Variants in HSPA9 observed in about 807,000 individuals in gnomAD.
HSPA9 encodes stress-70 protein, mitochondrial.
Under a neutral mutation model 81.5 loss-of-function variants are expected in HSPA9, and 28 were observed. The observed-to-expected ratio is 0.34, with a 90% CI of 0.25 to 0.47. HSPA9 has a LOEUF of 0.47. Among genes scored for constraint, HSPA9 ranks in the 20% least tolerant of loss-of-function variants. HSPA9 has a pLI of 1.00. For missense variants in HSPA9, 678 were observed against 838.0 expected (o/e 0.81, Z 2.36); for synonymous variants, 293 against 290.4 (o/e 1.01, Z -0.09).
intron 5 of HSPA9, among the ~76,000 whole-genome samples, chr5:138,568,527 A>C (rs1474696380): frequency 1.3e-5 from 2 of 152,084 alleles, no homozygotes; most frequent in Admixed American, 6.5e-5. Context: ...CAACAAAAAA[A>C]CCCCAAAAAA....
At chr5:138,561,812 C>T (rs779604471) in intron 9 of HSPA9, 23 bp from the exon 10 acceptor site, 5 of 1,562,120 alleles carry the variant, frequency 3.2e-6, no homozygotes, top group African/African-American at 2.7e-5. Context: ...TGTTTAATTG[C>T]ATGTCAGCGA....
intron 9 of HSPA9, 26 bp downstream of exon 9, chr5:138,566,600 G>A: frequency 1.3e-6 from 2 of 1,485,310 alleles, no homozygotes; most frequent in Non-Finnish European, 9.4e-7. Flanking sequence ...TATCCATCAA[G>A]ACTGCTCGAA....
intron 10 of HSPA9, among the ~76,000 whole-genome samples, chr5:138,561,325 T>C (rs951116969): frequency 6.6e-6 from 1 of 152,052 alleles, no homozygotes; most frequent in African/African-American, 2.4e-5. Context: ...CATACATATA[T>C]ATATATAAAT....
chr5:138,561,319 CATATAT>C (rs914694552), intron 10 of HSPA9, among the ~76,000 whole-genome samples: 1 of 151,676 alleles, frequency 6.6e-6, no homozygotes, highest in Admixed American at 6.6e-5. Flanking sequence ...TACATACATA[CATATAT>C]ATATATAAAT....
rs537086702 is a variant in HSPA9 at position 138,555,334 on chromosome 5, A to C, written c.*703T>G. On this transcript the variant is annotated 3_prime_UTR_variant, in exon 17 of 17. Transcript: ENST00000297185. ...GGGCATCACCCCTCACAAACAAGAG[A>C]TCAAGATGCTTTCTGTATTTATTTA... 20 of 152,184 alleles carry C rather than the reference A, an allele frequency of 1.3e-4. No homozygotes were observed. The highest frequency in any genetic ancestry group is 5.2e-4 in the Admixed American group (8 of 15,264). The allele number at this position is 152,184 out of a possible 1,614,324, so 9.4% of individuals were successfully genotyped here.
chr5:138,564,556 G>A (rs1372512998), intron 9 of HSPA9, among the ~76,000 whole-genome samples: 2 of 152,168 alleles, frequency 1.3e-5, no homozygotes, highest in African/African-American at 2.4e-5. Flanking sequence ...CACCTGTGGT[G>A]TAGTGCACCA....
chr5:138,575,185 G>A (rs1580753736), intron 1 of HSPA9, 53 bp downstream of exon 1: 3 of 1,297,262 alleles, frequency 2.3e-6, no homozygotes, highest in Non-Finnish European at 3.3e-6. Context: ...AGCGAAGCCC[G>A]AGGCCCAAGG....
At chr5:138,575,109 G>A (rs1580753665) in intron 1 of HSPA9, 129 bp downstream of exon 1, 4 of 681,582 alleles carry the variant, frequency 5.9e-6, no homozygotes, top group East Asian at 2.7e-5. Context: ...TGGAAGGCCC[G>A]TTACCTTCCT....
intron 9 of HSPA9, 52 bp from the exon 10 acceptor site, chr5:138,561,841 A>G (rs771330967): frequency 7.2e-7 from 1 of 1,380,002 alleles, no homozygotes; most frequent in Non-Finnish European, 1.0e-6. Context: ...AATGACGGTT[A>G]CATTTATTAT....
Position 138,566,667 on chromosome 5 carries a change from C to T in HSPA9, c.931G>A (p.Ala311Thr). 6.2e-7 allele frequency: 1 copy of T among 1,614,092 alleles called. No individual in the cohort carries two copies. Among genetic ancestry groups the T allele is most frequent in the East Asian group, 2.2e-5 (1 of 44,880 alleles). ...AGTTCACATTTAGCCTTTTCAGCAG[C>T]TTCCCGTACCCTCTGAAGTGCCATG... is the stretch of plus-strand genomic sequence containing the variant. The part of the protein sequence containing the change: ...DNMALQRVRE[A>T]AEKAKCELSS... The change falls in exon 9 of 17, where the codon GCT (alanine) becomes ACT (threonine). Residue 311 changes from alanine (A) to threonine (T), a missense_variant. Ala to Thr is a moderately conservative substitution (Grantham distance 58, BLOSUM62 0). This residue lies in a region of HSPA9 where 484 missense variants were observed against 647.5 expected (regional missense o/e 0.75). Coordinates refer to ENST00000297185, the MANE Select transcript of HSPA9 (RefSeq NM_004134.7).
rs144158603 is a variant in HSPA9 at position 138,571,372 on chromosome 5, C to T, written c.229-231G>A. ...ATTTTTCGGCATTTTTTAGTAGAGACGGGGGTTTCACCATTTTGGCCAGGC... is the reference window on the plus strand; with the variant it reads ...ATTTTTCGGCATTTTTTAGTAGAGATGGGGGTTTCACCATTTTGGCCAGGC... On this transcript the variant is annotated intron_variant, in intron 3 of 16. Coordinates refer to ENST00000297185, the MANE Select transcript of HSPA9 (RefSeq NM_004134.7). 9.2e-5 allele frequency among the ~76,000 whole-genome samples: 14 copies of T among 151,780 alleles called. No individual in the cohort carries two copies. The East Asian group carries it at 2.1e-3, about 23-fold the overall frequency.
intron 3 of HSPA9, among the ~76,000 whole-genome samples, chr5:138,573,020 C>T (rs1005593905): frequency 6.6e-6 from 1 of 152,058 alleles, no homozygotes; most frequent in African/African-American, 2.4e-5. Flanking sequence ...CTCAGCCTCC[C>T]GAGTAGCGGG....
rs760315942 is a variant in HSPA9 at position 138,556,491 on chromosome 5, C to A, written c.1923G>T (p.Gln641His). The A allele has an allele frequency of 1.2e-6, 2 of 1,613,934 alleles. No individual in the cohort carries two copies. The highest frequency in any genetic ancestry group is 2.7e-5 in the African/African-American group (2 of 74,926). ...ENIRQAASSL[Q>H]QASLKLFEMA... ...TTTCGAACAGCTTCAGTGATGCCTG[C>A]TGAAGAGAGGATGCTGCCTGTCTAA... is the stretch of plus-strand genomic sequence containing the variant. Residue 641 changes from glutamine (Q) to histidine (H), a missense_variant, in exon 16 of 17, where the codon CAG becomes CAT. By Grantham distance (24) the Gln-to-His change is conservative. Coordinates refer to ENST00000297185, the MANE Select transcript of HSPA9 (RefSeq NM_004134.7).
chr5:138,573,956 C>T, intron 2 of HSPA9, 106 bp from the exon 3 acceptor site: 1 of 1,258,680 alleles, frequency 7.9e-7, no homozygotes, highest in East Asian at 2.4e-5. Flanking sequence ...ACTACATAAT[C>T]TCTAAATAAA....
chr5:138,562,232 C>T (rs907897911), intron 9 of HSPA9, among the ~76,000 whole-genome samples: 10 of 150,816 alleles, frequency 6.6e-5, no homozygotes, highest in South Asian at 4.2e-4. Flanking sequence ...CCACCCCACC[C>T]GGCCAAGAAT....
At position 138,566,991 on chromosome 5, in the gene HSPA9, G is replaced by A; in HGVS notation, c.879+10C>T. On this transcript the variant is annotated intron_variant, in intron 8 of 16. Coordinates refer to ENST00000297185, the MANE Select transcript of HSPA9 (RefSeq NM_004134.7). ...CCAACGTCTACATATTAACCACATT[G>A]GTAACTCACCTCTCTCTTGAACTCC... 2 of 1,611,214 alleles carry A rather than the reference G, an allele frequency of 1.2e-6. No individual in the cohort carries two copies. Among genetic ancestry groups the A allele is most frequent in the Non-Finnish European group, 1.7e-6 (2 of 1,178,798 alleles).
At chr5:138,562,058 C>T (rs569521847) in intron 9 of HSPA9, among the ~76,000 whole-genome samples, 1 of 151,798 alleles carries the variant, frequency 6.6e-6, no homozygotes, top group African/African-American at 2.4e-5. Flanking sequence ...CCTGCCTCAG[C>T]CTCCCAAGTA....
In HSPA9 at chr5:138,569,044, T is replaced by C; in HGVS notation, c.416A>G (p.Asn139Ser). ...GGCACGGACAATTTTAAAGGGAACA[T>C]TTTTACTGTAAGACACAAAAATTCT... ...DDPEVQKDIK[N>S]VPFKIVRASN... Residue 139 changes from asparagine to serine, a missense_variant, in exon 5 of 17, where the codon AAT becomes AGT. Physicochemically the swap from Asn to Ser is conservative, Grantham distance 46. This residue lies in a region of HSPA9 where 484 missense variants were observed against 647.5 expected (regional missense o/e 0.75). Transcript: ENST00000297185. The C allele has an allele frequency of 6.2e-7, 1 of 1,613,642 alleles. No homozygotes were observed. Among genetic ancestry groups the C allele is most frequent in the South Asian group, 1.1e-5 (1 of 91,068 alleles).
At chr5:138,559,487 A>C (rs142274329) in intron 11 of HSPA9, among the ~76,000 whole-genome samples, 2 of 152,218 alleles carry the variant, frequency 1.3e-5, no homozygotes, top group Non-Finnish European at 2.9e-5. Context: ...CCCTTCATTC[A>C]TCCATAAGAT....
Sources: gnomAD v4.1 joint callset for allele counts (sites outside exome capture counted in the v4.1 genomes callset) on GRCh38, gnomAD v4.1.1 for gene constraint, gnomAD v4.1.1 regional missense constraint, MANE v1.5 for transcripts, NCBI Gene and HGNC (gene_info 2026-07-23, HGNC 2026-07-21) for gene names.